The following CTNND2 variants were observed in gnomAD, a reference collection of about 807,000 sequenced individuals.
CTNND2 encodes catenin delta 2.
A neutral mutation model predicts 144.4 loss-of-function variants in CTNND2; 22 were observed. The observed-to-expected ratio is 0.15, with a 90% confidence interval of 0.11 to 0.22. CTNND2 has a LOEUF of 0.22. Among genes scored for constraint, CTNND2 ranks in the 10% least tolerant of loss-of-function variants. CTNND2 has a pLI of 1.00. For synonymous variants in CTNND2, 751 were observed against 695.6 expected (o/e 1.08, Z -1.25); for missense variants, 1,353 against 1,618.8 (o/e 0.84, Z 2.82).
intron 7 of CTNND2, among the ~76,000 whole-genome samples, chr5:11,366,441 T>C (rs1756985113): frequency 6.6e-6 from 1 of 152,172 alleles, no homozygotes; most frequent in Non-Finnish European, 1.5e-5. Context: ...ACCATTCTCT[T>C]TGCTGGTAAT....
At chr5:11,724,099 C>T (rs35536647) in intron 2 of CTNND2, among the ~76,000 whole-genome samples, 34,268 of 151,770 alleles carry the variant, frequency 0.23, 4,800 homozygotes, top group African/African-American at 0.4. Flanking sequence ...TAATTATTAC[C>T]AGTAGTAAGA....
intron 9 of CTNND2, among the ~76,000 whole-genome samples, chr5:11,240,205 ACCC>A (rs1206238745): frequency 4.2e-5 from 4 of 95,010 alleles, no homozygotes; most frequent in Admixed American, 2.4e-4. Flanking sequence ...ACACACACAC[ACCC>A]CCAACACACA....
rs190879449 is a variant in CTNND2 at position 11,140,029 on chromosome 5, G to A, written c.2159+19547C>T. On this transcript the variant is annotated intron_variant, in intron 12 of 21. Coordinates refer to ENST00000304623, the MANE Select transcript of CTNND2 (RefSeq NM_001332.4). ...AATCCTTGAGATTATAGGGATCCACGCAAATAATCCAGCATAATCGCCCTA... is the reference window on the plus strand; with the variant it reads ...AATCCTTGAGATTATAGGGATCCACACAAATAATCCAGCATAATCGCCCTA... 2.1e-4 allele frequency among the ~76,000 whole-genome samples: 32 copies of A among 152,244 alleles called. No individual in the cohort carries two copies. The East Asian group carries it at 5.0e-3, about 24-fold the overall frequency.
intron 3 of CTNND2, among the ~76,000 whole-genome samples, chr5:11,461,052 A>G (rs958897474): frequency 9.9e-5 from 15 of 151,550 alleles, no homozygotes; most frequent in Non-Finnish European, 8.8e-5. Context: ...AAAAAAAAAA[A>G]TTGCACTCCT....
intron 3 of CTNND2, among the ~76,000 whole-genome samples, chr5:11,502,538 T>C (rs1321038651): frequency 6.6e-6 from 1 of 152,220 alleles, no homozygotes; most frequent in Non-Finnish European, 1.5e-5. Flanking sequence ...TATTAATATA[T>C]GTGTATACAA....
intron 9 of CTNND2, among the ~76,000 whole-genome samples, chr5:11,312,432 T>C (rs954487134): frequency 1.8e-4 from 27 of 152,146 alleles, no homozygotes; most frequent in African/African-American, 6.5e-4. Context: ...AGTTCTTACA[T>C]GGCAGCGGCA....
At chr5:11,311,965 CCACA>C (rs1258658076) in intron 9 of CTNND2, among the ~76,000 whole-genome samples, 1 of 146,142 alleles carries the variant, frequency 6.8e-6, no homozygotes, top group Non-Finnish European at 1.5e-5. Context: ...TATACACCTC[CCACA>C]CACACCCACA....
At chr5:11,105,072 C>G (rs1045625255) in intron 14 of CTNND2, among the ~76,000 whole-genome samples, 1 of 152,198 alleles carries the variant, frequency 6.6e-6, no homozygotes, top group Non-Finnish European at 1.5e-5. Flanking sequence ...CAAGGCTGCT[C>G]CATATGACTG....
chr5:11,193,815 G>A (rs1736587303), intron 11 of CTNND2, among the ~76,000 whole-genome samples: 1 of 152,168 alleles, frequency 6.6e-6, no homozygotes, highest in South Asian at 2.1e-4. Flanking sequence ...CTGTTCCAGT[G>A]TCTCCTTTCA....
At chr5:11,799,807 TAC>T (rs1266571204) in intron 1 of CTNND2, among the ~76,000 whole-genome samples, 1 of 152,128 alleles carries the variant, frequency 6.6e-6, no homozygotes, top group Admixed American at 6.5e-5. Context: ...AGCTACTGTC[TAC>T]AGATAAAAAT....
chr5:11,221,111 A>G (rs117920507), intron 10 of CTNND2, among the ~76,000 whole-genome samples: 1 of 152,342 alleles, frequency 6.6e-6, no homozygotes, highest in East Asian at 1.9e-4. Context: ...CACTAGGGCT[A>G]ACAAACTAGA....
At chr5:11,155,248 G>A (rs1758112937) in intron 12 of CTNND2, among the ~76,000 whole-genome samples, 1 of 152,204 alleles carries the variant, frequency 6.6e-6, no homozygotes, top group Non-Finnish European at 1.5e-5. Flanking sequence ...ATCACACGAT[G>A]TGCAAGGAAA....
intron 1 of CTNND2, among the ~76,000 whole-genome samples, chr5:11,851,099 C>T (rs146785247): frequency 2.2e-4 from 34 of 152,268 alleles, no homozygotes; most frequent in African/African-American, 7.0e-4. Context: ...TTTGCGTTCC[C>T]GGCCTACTGG....
rs535454254 is a variant in CTNND2, at chr5:10,992,322, C to T, written c.3211+229G>A. Among the ~76,000 whole-genome samples the T allele has an allele frequency of 5.3e-5, 8 of 152,330 alleles. No individual in the cohort carries two copies. In the East Asian group the frequency reaches 1.5e-3, roughly 29 times the overall value. On this transcript the variant is annotated intron_variant, in intron 19 of 21. Coordinates refer to ENST00000304623, the MANE Select transcript of CTNND2 (RefSeq NM_001332.4). ...GTTCCTCCTGAATTCAGGTTCATTA[C>T]GTGCATGTCATGCATAAGAACCTGT...
chr5:11,819,155 A>T (rs1266817001), intron 1 of CTNND2, among the ~76,000 whole-genome samples: 1 of 152,150 alleles, frequency 6.6e-6, no homozygotes, highest in Non-Finnish European at 1.5e-5. Context: ...CAAAGGAGGT[A>T]TATGGAATTT....
At chr5:11,525,349 C>G (rs1174192154) in intron 3 of CTNND2, among the ~76,000 whole-genome samples, 4 of 152,120 alleles carry the variant, frequency 2.6e-5, no homozygotes, top group Non-Finnish European at 5.9e-5. Flanking sequence ...AACTTCCTGG[C>G]TGCACAAACT....
At chr5:11,663,487 A>G (rs925323585) in intron 2 of CTNND2, among the ~76,000 whole-genome samples, 7 of 152,192 alleles carry the variant, frequency 4.6e-5, no homozygotes, top group Non-Finnish European at 1.0e-4. Context: ...CTGGAAAACA[A>G]TGAGGAAAAC....
At chr5:11,550,062 T>C (rs1327166402) in intron 3 of CTNND2, among the ~76,000 whole-genome samples, 2 of 152,240 alleles carry the variant, frequency 1.3e-5, no homozygotes, top group African/African-American at 4.8e-5. Context: ...AGAGCCCACA[T>C]GTATGGAATA....
intron 12 of CTNND2, among the ~76,000 whole-genome samples, chr5:11,133,948 T>C (rs972049581): frequency 6.6e-6 from 1 of 152,204 alleles, no homozygotes; most frequent in African/African-American, 2.4e-5. Context: ...TCCTACCCTT[T>C]GGTCGCTCAA....
Sources: gnomAD v4.1 joint callset for allele counts (sites outside exome capture counted in the v4.1 genomes callset) on GRCh38, gnomAD v4.1.1 for gene constraint, MANE v1.5 for transcripts, NCBI Gene and HGNC (gene_info 2026-07-23, HGNC 2026-07-21) for gene names.